Variants in PKD1L1 observed in about 807,000 individuals in gnomAD.
The protein encoded by PKD1L1 is polycystin-1-like protein 1.
PKD1L1 carries 236 observed loss-of-function variants against 323.4 expected under a neutral mutation model. The observed-to-expected ratio is 0.73, with a 90% CI of 0.66 to 0.81. PKD1L1 has a LOEUF of 0.81. Among genes scored for constraint, PKD1L1 ranks in the 40% least tolerant of loss-of-function variants. PKD1L1 has a pLI of 0.00. For missense variants in PKD1L1, 3,320 were observed against 3,508.0 expected, an observed-to-expected ratio of 0.95 and a Z score of 1.35; for synonymous variants, 1,344 against 1,335.0, an observed-to-expected ratio of 1.01 and a Z score of -0.15.
At chr7:47,848,695 C>T (rs565166511) in intron 31 of PKD1L1, among the ~76,000 whole-genome samples, 77 of 152,274 alleles carry the variant, frequency 5.1e-4, no homozygotes, top group Non-Finnish European at 1.0e-3. Flanking sequence ...ATCCCAGCTA[C>T]TCAGGAGGCT....
At chr7:47,906,545 G>T (rs1457402020) in intron 9 of PKD1L1, among the ~76,000 whole-genome samples, 1 of 151,848 alleles carries the variant, frequency 6.6e-6, no homozygotes, top group African/African-American at 2.4e-5. Context: ...ATGTACATAT[G>T]TATGTACATA....
In PKD1L1 at chr7:47,931,894, C is replaced by A. The variant is rs542743783; in HGVS notation, c.519+42G>T. The A allele has an allele frequency of 3.2e-5, 50 of 1,585,468 alleles. No homozygotes were observed. In the South Asian group the frequency reaches 5.2e-4, roughly 17 times the overall value. ...CCCATATGCATCAGATGCTCACCAG[C>A]AGCTTTCTGATGAAATTCAATTGCA... On this transcript the variant is annotated intron_variant, in intron 5 of 56. Transcript: ENST00000289672.
At chr7:47,788,883 CA>C (rs1190888035) in intron 56 of PKD1L1, among the ~76,000 whole-genome samples, 1 of 152,060 alleles carries the variant, frequency 6.6e-6, no homozygotes. Flanking sequence ...AGGTGTAAGC[CA>C]CCGTGCTTGG....
In PKD1L1 at chr7:47,800,684, G is replaced by T. The variant is rs763863195; in HGVS notation, c.8158C>A (p.Leu2720Ile). Reference protein sequence around the residue: ...QRAMACYFGILLIVSATLCFG... With the variant: ...QRAMACYFGIILIVSATLCFG... ...CACAGTGTGGCAGAGACTATTAAAA[G>T]GATCCCAAAGTAACAAGCCATGGCC... The change falls in exon 54 of 57, where the codon CTT (leucine) becomes ATT (isoleucine). Residue 2720 changes from leucine to isoleucine, a missense_variant. Physicochemically the swap from Leu to Ile is conservative, Grantham distance 5. Transcript: ENST00000289672. 1.9e-6 allele frequency: 3 copies of T among 1,614,206 alleles called. No homozygotes were observed. The highest frequency in any genetic ancestry group is 1.7e-5 in the Admixed American group (1 of 60,028).
chr7:47,821,039 T>G, intron 46 of PKD1L1, 37 bp downstream of exon 46: 1 of 1,296,552 alleles, frequency 7.7e-7, no homozygotes, highest in East Asian at 2.3e-5. Flanking sequence ...AATAGTGCAA[T>G]GGCCCCAGAT....
intron 55 of PKD1L1, among the ~76,000 whole-genome samples, chr7:47,793,189 A>T (rs1786994168): frequency 6.6e-6 from 1 of 152,168 alleles, no homozygotes; most frequent in African/African-American, 2.4e-5. Flanking sequence ...GGGGAAGCAC[A>T]TGACAGAGAA....
Position 47,910,874 on chromosome 7 carries a change from G to A in PKD1L1, c.1229-2624C>T, listed in dbSNP as rs1787308451. Among the ~76,000 whole-genome samples the A allele has an allele frequency of 1.7e-5, 2 of 118,722 alleles. 1 individual carries two copies. Among genetic ancestry groups the A allele is most frequent in the Admixed American group, 1.7e-4 (2 of 11,566 alleles). 77.9% of individuals were successfully genotyped at this position (118,722 alleles called of 152,430 possible). On this transcript the variant is annotated intron_variant, in intron 8 of 56. Transcript: ENST00000289672. ...TGTGTGTGTGTGTATTTTTAGTAGA[G>A]ACAGGATTTCACCATGTTGGCCAAG...
At chr7:47,804,740 C>T (rs919836402) in intron 52 of PKD1L1, among the ~76,000 whole-genome samples, 2 of 152,106 alleles carry the variant, frequency 1.3e-5, no homozygotes, top group Admixed American at 6.5e-5. Flanking sequence ...CAGCCTTGGC[C>T]TCCCAAAATG....
chr7:47,851,557 T>C (rs914903417), intron 31 of PKD1L1, among the ~76,000 whole-genome samples: 3 of 152,174 alleles, frequency 2.0e-5, no homozygotes, highest in Non-Finnish European at 2.9e-5. Flanking sequence ...TAGCCTTCTA[T>C]GTACCTATAT....
chr7:47,828,416 G>C (rs1046394196), intron 44 of PKD1L1, among the ~76,000 whole-genome samples: 1 of 151,854 alleles, frequency 6.6e-6, no homozygotes, highest in Non-Finnish European at 1.5e-5. Context: ...AGATCCAACA[G>C]GTATGAGGGA....
At chr7:47,917,284 A>G (rs1189818529) in intron 7 of PKD1L1, among the ~76,000 whole-genome samples, 12 of 152,110 alleles carry the variant, frequency 7.9e-5, no homozygotes, top group Admixed American at 7.2e-4. Flanking sequence ...ACAAAGAAAA[A>G]AGAATAAGAA....
intron 31 of PKD1L1, among the ~76,000 whole-genome samples, chr7:47,847,749 A>G (rs1785695348): frequency 6.6e-6 from 1 of 152,208 alleles, no homozygotes; most frequent in Non-Finnish European, 1.5e-5. Context: ...AATATGAAAG[A>G]AAAAACAAAA....
intron 47 of PKD1L1, 100 bp from the exon 48 acceptor site, chr7:47,814,114 C>T: frequency 5.8e-6 from 5 of 854,898 alleles, no homozygotes; most frequent in Non-Finnish European, 9.5e-6. Context: ...GTAACTCCAC[C>T]TGCTACCATA....
At chr7:47,938,993 G>A (rs932418847) in intron 3 of PKD1L1, among the ~76,000 whole-genome samples, 1 of 152,168 alleles carries the variant, frequency 6.6e-6, no homozygotes, top group East Asian at 1.9e-4. Flanking sequence ...GTGTTTGGAG[G>A]TGAGGGCACT....
chr7:47,795,678 CA>C (rs1227502161), intron 55 of PKD1L1, among the ~76,000 whole-genome samples: 1 of 152,118 alleles, frequency 6.6e-6, no homozygotes, highest in Non-Finnish European at 1.5e-5. Flanking sequence ...ATGACTAACT[CA>C]GGGGACAGAA....
chr7:47,940,081 A>T, intron 3 of PKD1L1, 112 bp downstream of exon 3: 1 of 1,405,726 alleles, frequency 7.1e-7, no homozygotes, highest in South Asian at 1.3e-5. Context: ...CACACATGAT[A>T]GGAAAACAAT....
intron 24 of PKD1L1, among the ~76,000 whole-genome samples, chr7:47,871,255 G>A (rs1181352209): frequency 1.4e-5 from 1 of 70,852 alleles, no homozygotes; most frequent in Non-Finnish European, 2.9e-5. Context: ...TTGTATCTTA[G>A]TTTGTGCTAT....
At chr7:47,821,022 G>C in intron 46 of PKD1L1, 54 bp downstream of exon 46, 1 of 1,077,884 alleles carries the variant, frequency 9.3e-7, no homozygotes, top group Non-Finnish European at 1.4e-6. Context: ...GTGCACACAG[G>C]CTATGGAATA....
intron 4 of PKD1L1, among the ~76,000 whole-genome samples, chr7:47,935,320 G>A (rs912063529): frequency 7.9e-5 from 12 of 152,314 alleles, no homozygotes; most frequent in Admixed American, 4.6e-4. Flanking sequence ...TCCAAAAGAA[G>A]TAAGAATTTC....
Sources: gnomAD v4.1 joint callset for allele counts (sites outside exome capture counted in the v4.1 genomes callset) on GRCh38, gnomAD v4.1.1 for gene constraint, MANE v1.5 for transcripts, NCBI Gene and HGNC (gene_info 2026-07-23, HGNC 2026-07-21) for gene names.